The following MED23 variants were observed in gnomAD, a reference collection of about 807,000 sequenced individuals.
MED23 encodes the protein mediator complex subunit 23.
In MED23, 105 loss-of-function variants were observed where a neutral mutation model predicts 163.9. The observed-to-expected ratio is 0.64, with a 90% confidence interval of 0.55 to 0.75. MED23 has a LOEUF of 0.75. MED23 is among the 30% of genes least tolerant of loss of function. The pLI is 0.00. For synonymous variants in MED23, 561 were observed against 565.6 expected (o/e 0.99, Z 0.12); for missense variants, 1,054 against 1,649.0 (o/e 0.64, Z 6.25).
In MED23 at chr6:131,602,313, C is replaced by T; in HGVS notation, c.2000G>A (p.Arg667His). 6.2e-7 allele frequency: 1 copy of T among 1,613,722 alleles called. No homozygotes were observed. The highest frequency in any genetic ancestry group is 8.5e-7 in the Non-Finnish European group (1 of 1,179,768). The change falls in exon 17 of 29, where the codon CGC becomes CAC. Residue 667 changes from arginine (R) to histidine (H), a missense_variant. Physicochemically the swap from Arg to His is conservative, Grantham distance 29. Transcript: ENST00000368068. ...GSSEVQPQFT[R>H]FLSDPKTVLS... ...CACTGTTTTGGGATCACTAAGGAAG[C>T]GTGTAAACTGCGGTTGTACCTCTGA...
Position 131,579,329 on chromosome 6 carries a change from A to AGT in MED23, c.4096-5036_4096-5035dup, listed in dbSNP as rs111885649. On this transcript the variant is annotated intron_variant, in intron 30 of 30. Transcript: ENST00000354577. ...GTCTATGGGAATCTGGCACAAAGGA[A>AGT]GTAACCAAGGCCATAAGAAGAGAGA... 3.9e-3 allele frequency: 6,192 copies of AGT among 1,603,044 alleles called. 181 individuals are homozygous for AGT. The African/African-American group carries it at 0.068, about 18-fold the overall frequency.
chr6:131,615,324 C>T, intron 10 of MED23: 1 of 1,611,278 alleles, frequency 6.2e-7, no homozygotes, highest in Non-Finnish European at 8.5e-7. Context: ...GTGAACATAC[C>T]TGAGCAATGT....
intron 30 of MED23, chr6:131,579,424 T>G (rs1045215279): frequency 7.6e-6 from 7 of 917,322 alleles, no homozygotes; most frequent in African/African-American, 3.4e-5. Context: ...TTAAAAAAAT[T>G]TTATAGGTTA....
At chr6:131,621,096 C>A (rs1010679358) in intron 6 of MED23, among the ~76,000 whole-genome samples, 12 of 152,196 alleles carry the variant, frequency 7.9e-5, no homozygotes, top group African/African-American at 2.4e-4. Flanking sequence ...GCCACTGCAT[C>A]TGGCCCATGT....
In MED23 at chr6:131,594,218, C is replaced by T. The variant is rs777929351; in HGVS notation, c.3113G>A (p.Arg1038Gln). Residue 1038 changes from arginine (R) to glutamine (Q), a missense_variant, in exon 23 of 29, where the codon CGA becomes CAA. Physicochemically the swap from Arg to Gln is conservative, Grantham distance 43. Coordinates refer to ENST00000368068, the MANE Select transcript of MED23 (RefSeq NM_004830.4). Reference sequence around the variant, plus strand: ...GTCACTTAGACACCAGCCCTGCGGTCGATTATCCTTCAGAGAGCCAATGAT... The same window carrying T: ...GTCACTTAGACACCAGCCCTGCGGTTGATTATCCTTCAGAGAGCCAATGAT... ...HAIIGSLKDN[R>Q]PQGWCLSDTY... 3 of 1,613,982 alleles carry T rather than the reference C, an allele frequency of 1.9e-6. No individual in the cohort carries two copies. The highest frequency in any genetic ancestry group is 8.5e-7 in the Non-Finnish European group (1 of 1,180,026).
At position 131,602,328 on chromosome 6, in the gene MED23, T is replaced by G. The variant is rs750108757; in HGVS notation, c.1985A>C (p.Gln662Pro). Residue 662 changes from glutamine to proline, a missense_variant, in exon 17 of 29, where the codon CAA (glutamine) becomes CCA (proline). Around this residue, in one of 11 missense-constraint regions of MED23, gnomAD observed 228 missense variants for 461.3 expected, o/e 0.49. Coordinates refer to ENST00000368068, the MANE Select transcript of MED23 (RefSeq NM_004830.4). Reference protein sequence around the residue: ...LITALGSSEVQPQFTRFLSDP... With the variant: ...LITALGSSEVPPQFTRFLSDP... ...ACTAAGGAAGCGTGTAAACTGCGGT[T>G]GTACCTCTGAGCTACCTAATGCTGT... 1 of 1,613,902 alleles carries G rather than the reference T, an allele frequency of 6.2e-7. No homozygotes were observed. The highest frequency in any genetic ancestry group is 8.5e-7 in the Non-Finnish European group (1 of 1,179,820).
At chr6:131,579,422 AT>A in intron 30 of MED23, 1 of 930,062 alleles carries the variant, frequency 1.1e-6, no homozygotes, top group Non-Finnish European at 1.6e-6. Flanking sequence ...CTTTAAAAAA[AT>A]TTTATAGGTT....
At chr6:131,577,588 A>C (rs1324355650) in intron 30 of MED23, among the ~76,000 whole-genome samples, 3 of 152,112 alleles carry the variant, frequency 2.0e-5, no homozygotes, top group Non-Finnish European at 4.4e-5. Flanking sequence ...CCATGCAACG[A>C]GATAGTATTC....
chr6:131,607,331 G>A (rs564341990), intron 12 of MED23, among the ~76,000 whole-genome samples: 70 of 152,002 alleles, frequency 4.6e-4, no homozygotes, highest in African/African-American at 1.6e-3. Context: ...GATCACCTAA[G>A]GTCAGGAGTT....
chr6:131,609,022 T>C (rs938238656), intron 11 of MED23, among the ~76,000 whole-genome samples: 12 of 152,158 alleles, frequency 7.9e-5, no homozygotes, highest in African/African-American at 2.4e-4. Context: ...CCTAGTCCTA[T>C]TCCACGTCAG....
At chr6:131,574,079 G>T in exon 31 of MED23, 5 of 625,152 alleles carry the variant, frequency 8.0e-6, no homozygotes, top group Admixed American at 5.1e-5. Context: ...TTTTCTGCCT[G>T]GGCACACTTA....
chr6:131,584,498 C>T (rs1774102901), downstream of MED23, among the ~76,000 whole-genome samples: 1 of 152,032 alleles, frequency 6.6e-6, no homozygotes, highest in African/African-American at 2.4e-5. Context: ...CCCCAAAACA[C>T]TGTGAGGCCT....
At chr6:131,586,333 G>A (rs1035426743), downstream of MED23, among the ~76,000 whole-genome samples, 16 of 151,878 alleles carry the variant, frequency 1.1e-4, no homozygotes, top group Admixed American at 1.0e-3. Context: ...CCGGGAGGTG[G>A]AGCTTGTAGT....
intron 12 of MED23, among the ~76,000 whole-genome samples, chr6:131,607,558 A>G (rs555466652): frequency 6.6e-6 from 1 of 152,242 alleles, no homozygotes; most frequent in Non-Finnish European, 1.5e-5. Context: ...CAACAACAAC[A>G]ACAACAACAA....
At chr6:131,613,272 A>C (rs1776409596) in intron 10 of MED23, among the ~76,000 whole-genome samples, 1 of 152,166 alleles carries the variant, frequency 6.6e-6, no homozygotes, top group Non-Finnish European at 1.5e-5. Context: ...TCGTGTAAGC[A>C]CATAAAAAAG....
At chr6:131,599,757 T>C (rs559043246) in intron 18 of MED23, among the ~76,000 whole-genome samples, 22 of 151,870 alleles carry the variant, frequency 1.4e-4, no homozygotes, top group African/African-American at 3.1e-4. Context: ...TTTTTTTTTT[T>C]CTACAGACAG....
At chr6:131,574,975 A>G (rs1000157171) in intron 30 of MED23, among the ~76,000 whole-genome samples, 3 of 152,194 alleles carry the variant, frequency 2.0e-5, no homozygotes, top group African/African-American at 7.2e-5. Flanking sequence ...AGACTATTCA[A>G]CTCCAAAGGC....
intron 18 of MED23, 82 bp downstream of exon 18, chr6:131,599,954 TCA>T: frequency 1.3e-6 from 2 of 1,494,384 alleles, no homozygotes; most frequent in Non-Finnish European, 1.9e-6. Context: ...TATTCAGAAG[TCA>T]CCAAGACTCA....
chr6:131,619,977 T>C lies in MED23; in HGVS notation c.598-81A>G. The C allele has an allele frequency of 3.5e-6, 3 of 853,250 alleles. No individual in the cohort carries two copies. In the Admixed American group the frequency reaches 5.2e-5, roughly 15 times the overall value. The allele number at this position is 853,250 out of a possible 1,614,324, so 52.9% of individuals were successfully genotyped here. On this transcript the variant is annotated intron_variant, in intron 7 of 28. Coordinates refer to ENST00000368068, the MANE Select transcript of MED23 (RefSeq NM_004830.4). The stretch of plus-strand genomic sequence containing the variant: ...GACTGCCCCTGAAATATATGAACAT[T>C]TATATAAAATGAGATAATATATGTA...
Sources: allele counts gnomAD v4.1 joint callset (sites outside exome capture counted in the v4.1 genomes callset), GRCh38; gene constraint gnomAD v4.1.1; regional missense constraint gnomAD v4.1.1; transcripts MANE v1.5; gene names NCBI Gene and HGNC (gene_info 2026-07-23, HGNC 2026-07-21).